Variants in PARVB observed in about 807,000 individuals in gnomAD.
PARVB encodes the protein parvin beta, also known as beta-parvin.
In PARVB, 46 loss-of-function variants were observed where a neutral mutation model predicts 47.0. The observed-to-expected ratio is 0.98, with a 90% confidence interval of 0.77 to 1.25. The LOEUF (loss-of-function observed/expected upper bound fraction) is 1.25. PARVB is among the 50% of genes most tolerant of loss of function. The pLI is 0.00. For missense variants in PARVB, 473 were observed against 471.6 expected, an observed-to-expected ratio of 1.00 and a Z score of -0.03; for synonymous variants, 196 against 196.3, an observed-to-expected ratio of 1.00 and a Z score of 0.01.
chr22:44,097,860 C>T (rs1227639135), intron 2 of PARVB, among the ~76,000 whole-genome samples: 1 of 152,208 alleles, frequency 6.6e-6, no homozygotes, highest in Non-Finnish European at 1.5e-5. Flanking sequence ...CATCTCTGTC[C>T]TCCACCTTTC....
At chr22:44,157,642 G>T (rs936033773) in intron 10 of PARVB, among the ~76,000 whole-genome samples, 4 of 152,168 alleles carry the variant, frequency 2.6e-5, no homozygotes, top group Non-Finnish European at 2.9e-5. Flanking sequence ...ACTTTGGGAG[G>T]CTGAGGCAAG....
intron 7 of PARVB, among the ~76,000 whole-genome samples, chr22:44,138,398 A>C (rs540035191): frequency 1.1e-4 from 16 of 152,252 alleles, no homozygotes; most frequent in African/African-American, 3.8e-4. Context: ...GGGATTTTCT[A>C]GCCTGAGTCA....
chr22:44,168,694 TG>T lies in PARVB; in HGVS notation c.*18del, dbSNP rs771864329. 6 of 1,570,130 alleles carry T rather than the reference TG, an allele frequency of 3.8e-6. No homozygotes were observed. The African/African-American group carries it at 6.8e-5, about 18-fold the overall frequency. On this transcript the variant is annotated 3_prime_UTR_variant, in exon 13 of 13. Transcript: ENST00000338758. ...CGTGGAGTGACGGGGGAGCTGTGGATGGTGGCAGGAGTGTCCCAGCAAGAAA... is the reference window on the plus strand; with the variant it reads ...CGTGGAGTGACGGGGGAGCTGTGGATGTGGCAGGAGTGTCCCAGCAAGAAA...
At chr22:44,135,232 C>A (rs929692564) in intron 6 of PARVB, among the ~76,000 whole-genome samples, 2 of 152,074 alleles carry the variant, frequency 1.3e-5, no homozygotes, top group African/African-American at 4.8e-5. Context: ...CCTACCATCA[C>A]CACTGCCATG....
At chr22:44,100,698 G>T (rs1468564364) in intron 3 of PARVB, among the ~76,000 whole-genome samples, 1 of 152,148 alleles carries the variant, frequency 6.6e-6, no homozygotes, top group East Asian at 1.9e-4. Context: ...GGCAGCGGCT[G>T]TCCTTCTCCA....
At chr22:44,165,971 G>A (rs991048354) in intron 12 of PARVB, among the ~76,000 whole-genome samples, 6 of 152,330 alleles carry the variant, frequency 3.9e-5, no homozygotes, top group African/African-American at 9.6e-5. Context: ...CTTGGCTGGG[G>A]CTTCCTTTAG....
chr22:44,101,596 A>G (rs975694679), intron 3 of PARVB, among the ~76,000 whole-genome samples: 1 of 151,890 alleles, frequency 6.6e-6, no homozygotes, highest in African/African-American at 2.4e-5. Flanking sequence ...CTAAAAATAC[A>G]AAAAATTTGC....
intron 1 of PARVB, among the ~76,000 whole-genome samples, chr22:44,082,473 C>T (rs746317876): frequency 5.3e-5 from 8 of 152,016 alleles, no homozygotes; most frequent in East Asian, 3.9e-4. Flanking sequence ...GAGCCAAGAT[C>T]GAGCCACTGC....
At chr22:44,056,969 G>T (rs2051324917) in intron 1 of PARVB, among the ~76,000 whole-genome samples, 2 of 77,544 alleles carry the variant, frequency 2.6e-5, no homozygotes, top group African/African-American at 9.0e-5. Context: ...AGCTGGGGGT[G>T]GAGCTGGGGG....
chr22:44,159,072 AGAGC>A (rs1038883667), intron 11 of PARVB, among the ~76,000 whole-genome samples: 7 of 151,848 alleles, frequency 4.6e-5, no homozygotes, highest in Non-Finnish European at 8.8e-5. Context: ...CGAGAGAGAG[AGAGC>A]GAGCGAGCGA....
chr22:44,011,148 A>G (rs867583580), intron 2 of PARVB, among the ~76,000 whole-genome samples: 1 of 151,758 alleles, frequency 6.6e-6, no homozygotes, highest in Non-Finnish European at 1.5e-5. Context: ...TTTTAAAAAT[A>G]TTTTTCATAG....
intron 1 of PARVB, among the ~76,000 whole-genome samples, chr22:44,056,230 G>A (rs891735604): frequency 6.6e-6 from 1 of 152,238 alleles, no homozygotes; most frequent in Non-Finnish European, 1.5e-5. Flanking sequence ...TGCCTCTGCT[G>A]TGTGGCCGTG....
chr22:43,999,834 G>GAAAAAAA (rs113458130), intron 2 of PARVB, among the ~76,000 whole-genome samples: 26 of 69,366 alleles, frequency 3.7e-4, no homozygotes, highest in East Asian at 2.5e-3. Flanking sequence ...CCATCTATAT[G>GAAAAAAA]AAAAAAAAAA....
At chr22:44,094,266 A>G (rs1323948442) in intron 2 of PARVB, among the ~76,000 whole-genome samples, 1 of 152,252 alleles carries the variant, frequency 6.6e-6, no homozygotes, top group Admixed American at 6.5e-5. Context: ...TGAAGCAAAC[A>G]GATTGGGAGA....
intron 1 of PARVB, among the ~76,000 whole-genome samples, chr22:44,047,051 A>G (rs2051126144): frequency 6.6e-6 from 1 of 152,180 alleles, no homozygotes; most frequent in Admixed American, 6.5e-5. Flanking sequence ...TTTGTCCTGG[A>G]GCCACCAGGC....
intron 2 of PARVB, among the ~76,000 whole-genome samples, chr22:44,096,232 TAATAA>T (rs1484109779): frequency 6.6e-6 from 1 of 151,980 alleles, no homozygotes; most frequent in East Asian, 1.9e-4. Context: ...TCTCATAAAA[TAATAA>T]AATAAAATAA....
intron 1 of PARVB, among the ~76,000 whole-genome samples, chr22:44,045,900 A>G (rs1308809456): frequency 6.6e-6 from 1 of 152,114 alleles, no homozygotes; most frequent in Non-Finnish European, 1.5e-5. Flanking sequence ...GCTATTTGGG[A>G]TCCCTCGAGA....
rs1213637332 is a variant in PARVB at position 44,119,124 on chromosome 22, G to A, written c.360G>A (p.Val120=). ...AGGAAGACCTGTATGACGGCCAGGTGCTGCAGAAGCTCTTGGGTGAGTTCA... is the reference window on the plus strand; with the variant it reads ...AGGAAGACCTGTATGACGGCCAGGTACTGCAGAAGCTCTTGGGTGAGTTCA... ...QLEEDLYDGQ[V]LQKLLEKLAG... is the part of the protein sequence containing the mutation. The change falls in exon 4 of 13, where the codon GTG becomes GTA. Residue 120 remains valine (V), a synonymous_variant. Transcript: ENST00000338758. 1.9e-6 allele frequency: 3 copies of A among 1,612,436 alleles called. No individual in the cohort carries two copies. Among genetic ancestry groups the A allele is most frequent in the African/African-American group, 1.3e-5 (1 of 74,904 alleles).
intron 1 of PARVB, chr22:44,081,519 C>T (rs2051899531): frequency 5.7e-6 from 4 of 695,890 alleles, no homozygotes; most frequent in Admixed American, 6.3e-5. Context: ...TACATTGGGA[C>T]GTTACCAGTC....
Sources: allele counts gnomAD v4.1 joint callset (sites outside exome capture counted in the v4.1 genomes callset), GRCh38; gene constraint gnomAD v4.1.1; transcripts MANE v1.5; gene names NCBI Gene and HGNC (gene_info 2026-07-23, HGNC 2026-07-21).